The following OR56A3 variants were observed in gnomAD, a reference collection of about 807,000 sequenced individuals.
OR56A3 encodes the protein olfactory receptor family 56 subfamily A member 3.
In OR56A3, 23 loss-of-function variants were observed where a neutral mutation model predicts 17.5. The ratio of observed to expected loss-of-function variants is 1.32; its 90% confidence interval spans 0.95 to 1.87. The LOEUF (loss-of-function observed/expected upper bound fraction) is 1.87, where lower values mean the gene tolerates loss of function less well. Among genes scored for constraint, OR56A3 ranks in the 40% most tolerant of loss-of-function variants. The pLI, the probability that OR56A3 is intolerant of heterozygous loss-of-function variation, is 0.00. For synonymous variants in OR56A3, 175 were observed against 150.6 expected (o/e 1.16, Z -1.19); for missense variants, 366 against 380.1 (o/e 0.96, Z 0.31).
downstream of OR56A3, among the ~76,000 whole-genome samples, chr11:5,955,526 A>C (rs565553429): frequency 1.3e-5 from 2 of 152,268 alleles, no homozygotes; most frequent in African/African-American, 4.8e-5. Flanking sequence ...AGCAGGAATG[A>C]AAGGAAGTAA....
the OR56A3 span, among the ~76,000 whole-genome samples, chr11:5,977,965 C>A: frequency 3.9e-5 from 6 of 152,316 alleles, no homozygotes; most frequent in South Asian, 1.2e-3. Flanking sequence ...AATAGGGAAA[C>A]TTTCCCCCAT....
chr11:5,951,481 T>C (rs1847907754), downstream of OR56A3: 1 of 152,108 alleles, frequency 6.6e-6, no homozygotes, highest in African/African-American at 2.4e-5. Context: ...AAATAAAACA[T>C]GAGTGAGAAA....
At chr11:5,990,549 T>G in the OR56A3 span, among the ~76,000 whole-genome samples, 1 of 152,148 alleles carries the variant, frequency 6.6e-6, no homozygotes, top group Non-Finnish European at 1.5e-5. Context: ...GCTCCATCTA[T>G]GGGATATAAT....
the OR56A3 span, among the ~76,000 whole-genome samples, chr11:5,974,437 TC>T: frequency 6.6e-6 from 1 of 152,172 alleles, no homozygotes; most frequent in Non-Finnish European, 1.5e-5. Flanking sequence ...GAAATCCTTT[TC>T]CTGTACTGTC....
chr11:6,015,594 C>T, the OR56A3 span, among the ~76,000 whole-genome samples: 4 of 152,226 alleles, frequency 2.6e-5, no homozygotes, highest in Non-Finnish European at 5.9e-5. Context: ...TCCAAAGCCA[C>T]AGGGGCAGAG....
At chr11:5,980,170 G>C in the OR56A3 span, among the ~76,000 whole-genome samples, 7 of 152,090 alleles carry the variant, frequency 4.6e-5, no homozygotes, top group African/African-American at 1.7e-4. Flanking sequence ...TGTGGTTGTT[G>C]GGTGGAGTGT....
chr11:5,980,130 A>G, the OR56A3 span, among the ~76,000 whole-genome samples: 2 of 151,956 alleles, frequency 1.3e-5, no homozygotes, highest in African/African-American at 2.4e-5. Flanking sequence ...TAGATTATGT[A>G]CCCTGTGCAG....
the OR56A3 span, among the ~76,000 whole-genome samples, chr11:5,993,456 A>G: frequency 1.3e-5 from 2 of 152,186 alleles, no homozygotes; most frequent in Admixed American, 1.3e-4. Flanking sequence ...TTTTTCATCA[A>G]CAATGGCAGT....
the OR56A3 span, among the ~76,000 whole-genome samples, chr11:5,973,559 T>C: frequency 6.6e-6 from 1 of 152,232 alleles, no homozygotes; most frequent in African/African-American, 2.4e-5. Context: ...TAGTCATTGT[T>C]GAATGTCTCT....
the OR56A3 span, among the ~76,000 whole-genome samples, chr11:5,972,485 T>C: frequency 2.0e-5 from 3 of 152,104 alleles, no homozygotes; most frequent in Non-Finnish European, 4.4e-5. Context: ...TACAACAGAT[T>C]AGGTCCTGCT....
the OR56A3 span, among the ~76,000 whole-genome samples, chr11:5,966,373 C>A: frequency 6.6e-6 from 1 of 151,990 alleles, no homozygotes; most frequent in East Asian, 1.9e-4. Flanking sequence ...GACCCTGTCT[C>A]CCTATCTCAA....
chr11:6,015,765 A>G, the OR56A3 span, among the ~76,000 whole-genome samples: 3 of 152,096 alleles, frequency 2.0e-5, no homozygotes, highest in Non-Finnish European at 4.4e-5. Context: ...CCAATTTCCT[A>G]CTGCCTGTAC....
the OR56A3 span, among the ~76,000 whole-genome samples, chr11:5,996,711 G>C: frequency 6.6e-6 from 1 of 152,212 alleles, no homozygotes; most frequent in Non-Finnish European, 1.5e-5. Flanking sequence ...CAAATAGTCA[G>C]ACTATACAAA....
the OR56A3 span, among the ~76,000 whole-genome samples, chr11:6,005,394 C>T: frequency 1.3e-5 from 2 of 152,126 alleles, no homozygotes; most frequent in Non-Finnish European, 2.9e-5. Flanking sequence ...TACTGCATCC[C>T]AAGTTCTTTG....
the OR56A3 span, among the ~76,000 whole-genome samples, chr11:6,011,219 TATAC>T: frequency 6.7e-6 from 1 of 149,374 alleles, no homozygotes; most frequent in African/African-American, 2.4e-5. Flanking sequence ...TATATATATA[TATAC>T]ACACATATAT....
At chr11:6,018,349 C>G in the OR56A3 span, among the ~76,000 whole-genome samples, 2 of 152,008 alleles carry the variant, frequency 1.3e-5, no homozygotes, top group African/African-American at 4.8e-5. Context: ...AAACAAATCT[C>G]AACAAATTTT....
At chr11:5,965,962 T>C in the OR56A3 span, among the ~76,000 whole-genome samples, 3 of 152,104 alleles carry the variant, frequency 2.0e-5, no homozygotes, top group Non-Finnish European at 4.4e-5. Context: ...ACCTGCATGA[T>C]AGGTAAACAG....
At chr11:5,961,979 C>G in the OR56A3 span, among the ~76,000 whole-genome samples, 1 of 152,076 alleles carries the variant, frequency 6.6e-6, no homozygotes, top group Non-Finnish European at 1.5e-5. Context: ...TTCCAGATCT[C>G]GGAGAAAAAG....
At chr11:5,972,268 A>T in the OR56A3 span, among the ~76,000 whole-genome samples, 1 of 152,218 alleles carries the variant, frequency 6.6e-6, no homozygotes, top group African/African-American at 2.4e-5. Flanking sequence ...GAGATTGCTG[A>T]GACTGCAGAA....
Sources: allele counts gnomAD v4.1 joint callset (sites outside exome capture counted in the v4.1 genomes callset), GRCh38; gene constraint gnomAD v4.1.1; transcripts MANE v1.5; gene names NCBI Gene and HGNC (gene_info 2026-07-23, HGNC 2026-07-21).